CPQ: variants seen among roughly 807,000 people sequenced by gnomAD.
The protein encoded by CPQ is Ser-Met dipeptidase.
Under a neutral mutation model 45.7 loss-of-function variants are expected in CPQ, and 37 were observed. That is an observed-to-expected ratio of 0.81 (90% CI 0.62 to 1.07). The LOEUF (loss-of-function observed/expected upper bound fraction) is 1.07, where lower values mean the gene tolerates loss of function less well. Among genes scored for constraint, CPQ ranks in the 50% least tolerant of loss-of-function variants. The pLI, the probability that CPQ is intolerant of heterozygous loss-of-function variation, is 0.00. For synonymous variants in CPQ, 186 were observed against 205.8 expected, an observed-to-expected ratio of 0.90 and a Z score of 0.82; for missense variants, 537 against 572.9, an observed-to-expected ratio of 0.94 and a Z score of 0.64.
intron 6 of CPQ, among the ~76,000 whole-genome samples, chr8:97,053,234 G>C (rs1344470082): frequency 6.6e-6 from 1 of 152,212 alleles, no homozygotes; most frequent in African/African-American, 2.4e-5. Flanking sequence ...GTGCCAGGCA[G>C]TGTTTTGAGG....
intron 4 of CPQ, among the ~76,000 whole-genome samples, chr8:96,907,884 G>C (rs900107829): frequency 6.6e-6 from 1 of 152,160 alleles, no homozygotes; most frequent in Non-Finnish European, 1.5e-5. Flanking sequence ...AATATGAATA[G>C]TCTTCTAGTT....
intron 1 of CPQ, among the ~76,000 whole-genome samples, chr8:96,696,251 T>G (rs1586362719): frequency 8.2e-5 from 11 of 134,272 alleles, no homozygotes; most frequent in Non-Finnish European, 1.3e-4. Flanking sequence ...TGAGAACACA[T>G]GGACACAGGA....
At chr8:97,042,660 T>C (rs1160497329) in intron 6 of CPQ, among the ~76,000 whole-genome samples, 36 of 152,000 alleles carry the variant, frequency 2.4e-4, no homozygotes, top group Admixed American at 1.2e-3. Context: ...GCTTTGGATG[T>C]GTCCCAGAGA....
At chr8:96,781,375 C>T (rs528860635) in intron 1 of CPQ, among the ~76,000 whole-genome samples, 49 of 152,160 alleles carry the variant, frequency 3.2e-4, no homozygotes, top group African/African-American at 1.2e-3. Context: ...TTGCAAAAGG[C>T]ATCACATAGT....
chr8:96,782,772 C>G (rs1586398626), intron 1 of CPQ, among the ~76,000 whole-genome samples: 1 of 152,170 alleles, frequency 6.6e-6, no homozygotes, highest in South Asian at 2.1e-4. Context: ...AGAAGCCACA[C>G]AGCTCCTTCA....
intron 7 of CPQ, among the ~76,000 whole-genome samples, chr8:97,110,653 T>G (rs1444821523): frequency 6.6e-6 from 1 of 152,170 alleles, no homozygotes; most frequent in East Asian, 1.9e-4. Flanking sequence ...CTTCTTGGCT[T>G]TTTTTGGCAT....
At chr8:96,738,452 A>G (rs1810025302) in intron 1 of CPQ, among the ~76,000 whole-genome samples, 1 of 148,492 alleles carries the variant, frequency 6.7e-6, no homozygotes, top group South Asian at 2.1e-4. Context: ...TTATTTTTTT[A>G]TTTTTTATTT....
chr8:96,895,685 T>C (rs938763922), intron 4 of CPQ, among the ~76,000 whole-genome samples: 2 of 152,160 alleles, frequency 1.3e-5, no homozygotes, highest in South Asian at 4.1e-4. Context: ...GAACTGCCTT[T>C]GTAAGATTCT....
At chr8:96,758,205 A>C (rs1052999021) in intron 1 of CPQ, among the ~76,000 whole-genome samples, 3 of 152,210 alleles carry the variant, frequency 2.0e-5, no homozygotes, top group African/African-American at 7.2e-5. Context: ...TAGAGCTCAT[A>C]GAATGGGAAG....
intron 3 of CPQ, among the ~76,000 whole-genome samples, chr8:96,846,792 C>T (rs1811697574): frequency 1.3e-5 from 2 of 151,914 alleles, no homozygotes; most frequent in African/African-American, 4.8e-5. Flanking sequence ...CAATTGTTTC[C>T]CCCAGTAATG....
chr8:96,843,393 GGAAA>G (rs932007672), intron 3 of CPQ, among the ~76,000 whole-genome samples: 2 of 152,078 alleles, frequency 1.3e-5, no homozygotes, highest in Non-Finnish European at 2.9e-5. Context: ...AGAGAAGAAA[GGAAA>G]GAAAGAAGAA....
At chr8:96,717,174 G>A (rs1008406396) in intron 1 of CPQ, among the ~76,000 whole-genome samples, 10 of 131,158 alleles carry the variant, frequency 7.6e-5, no homozygotes, top group African/African-American at 2.7e-4. Context: ...TGTGAGTTGT[G>A]CTGCCATAAA....
At chr8:96,772,123 CAA>C (rs1404452841) in intron 1 of CPQ, among the ~76,000 whole-genome samples, 2 of 151,832 alleles carry the variant, frequency 1.3e-5, no homozygotes, top group Non-Finnish European at 2.9e-5. Flanking sequence ...ACTGTTGTAA[CAA>C]AGAGAACATA....
At chr8:96,999,799 T>G (rs1417411154) in intron 5 of CPQ, among the ~76,000 whole-genome samples, 2 of 152,096 alleles carry the variant, frequency 1.3e-5, no homozygotes, top group African/African-American at 2.4e-5. Context: ...CTTTAGGTCT[T>G]TGAGTAATTG....
rs1375431361 is a variant in CPQ at position 96,961,438 on chromosome 8, G to A, written c.850-4497G>A. Among the ~76,000 whole-genome samples the A allele has an allele frequency of 2.0e-5, 3 of 151,922 alleles. 1 individual carries two copies. ...TTTGTAAGAATTCTTTACCCATTTTGAATATAAATCATTTTGAGTTATATA... is the reference window on the plus strand; with the variant it reads ...TTTGTAAGAATTCTTTACCCATTTTAAATATAAATCATTTTGAGTTATATA... On this transcript the variant is annotated intron_variant, in intron 4 of 7. Coordinates refer to ENST00000220763, the MANE Select transcript of CPQ (RefSeq NM_016134.4).
intron 1 of CPQ, among the ~76,000 whole-genome samples, chr8:96,656,529 A>T (rs769074387): frequency 9.9e-5 from 15 of 152,164 alleles, no homozygotes; most frequent in Non-Finnish European, 1.8e-4. Context: ...ATAGAACTGC[A>T]CAGTTGAGGA....
At chr8:96,651,776 G>A (rs999223385) in intron 1 of CPQ, among the ~76,000 whole-genome samples, 12 of 151,890 alleles carry the variant, frequency 7.9e-5, no homozygotes, top group African/African-American at 2.7e-4. Flanking sequence ...TATATATGGG[G>A]TATATGTATG....
chr8:96,986,672 A>G (rs1468010538), intron 5 of CPQ, among the ~76,000 whole-genome samples: 3 of 152,160 alleles, frequency 2.0e-5, no homozygotes, highest in Non-Finnish European at 2.9e-5. Context: ...GGGAGGGTGA[A>G]TCAGGAAGCC....
At chr8:97,009,998 T>C (rs928998773) in intron 5 of CPQ, among the ~76,000 whole-genome samples, 5 of 152,172 alleles carry the variant, frequency 3.3e-5, no homozygotes, top group African/African-American at 1.2e-4. Flanking sequence ...CTTGAGAAGA[T>C]TGCACTGGAA....
Sources: allele counts gnomAD v4.1 joint callset (sites outside exome capture counted in the v4.1 genomes callset), GRCh38; gene constraint gnomAD v4.1.1; transcripts MANE v1.5; gene names NCBI Gene and HGNC (gene_info 2026-07-23, HGNC 2026-07-21).